Variants in WDPCP observed in about 807,000 individuals in gnomAD.
WDPCP encodes the protein WD repeat containing planar cell polarity effector, also known as WD repeat-containing and planar cell polarity effector protein fritz homolog.
Under a neutral mutation model 93.1 loss-of-function variants are expected in WDPCP, and 71 were observed. That is an observed-to-expected ratio of 0.76 (90% CI 0.63 to 0.93). The LOEUF (loss-of-function observed/expected upper bound fraction) is 0.93, where lower values mean the gene tolerates loss of function less well. Among genes scored for constraint, WDPCP ranks in the 40% least tolerant of loss-of-function variants. The pLI is 0.00. For synonymous variants in WDPCP, 315 were observed against 315.0 expected, an observed-to-expected ratio of 1.00 and a Z score of 0.00; for missense variants, 844 against 887.4, an observed-to-expected ratio of 0.95 and a Z score of 0.62.
intron 3 of WDPCP, among the ~76,000 whole-genome samples, chr2:63,620,646 A>G (rs1709725128): frequency 6.6e-6 from 1 of 152,190 alleles, no homozygotes; most frequent in Admixed American, 6.5e-5. Flanking sequence ...AGAGCAGCAG[A>G]TCTCCCAACA....
chr2:63,312,371 C>T (rs1686248700), intron 13 of WDPCP, among the ~76,000 whole-genome samples: 1 of 152,128 alleles, frequency 6.6e-6, no homozygotes, highest in African/African-American at 2.4e-5. Context: ...GTATTTCTGG[C>T]TTTCAAGAGG....
chr2:63,700,821 A>C (rs558932100), intron 2 of WDPCP, among the ~76,000 whole-genome samples: 1 of 152,340 alleles, frequency 6.6e-6, no homozygotes, highest in African/African-American at 2.4e-5. Flanking sequence ...AACCATACGC[A>C]GAAGATTGAA....
intron 3 of WDPCP, among the ~76,000 whole-genome samples, chr2:63,601,919 T>C (rs748270630): frequency 1.3e-5 from 2 of 152,212 alleles, no homozygotes; most frequent in African/African-American, 4.8e-5. Flanking sequence ...TAAGAGCAGT[T>C]TCTTCCCCAG....
chr2:63,732,500 A>T (rs949099710), intron 2 of WDPCP, among the ~76,000 whole-genome samples: 4 of 152,250 alleles, frequency 2.6e-5, no homozygotes, highest in Non-Finnish European at 4.4e-5. Context: ...AAAAACTATA[A>T]TAAGAAATTA....
At chr2:63,596,660 G>A (rs1331645838) in intron 3 of WDPCP, among the ~76,000 whole-genome samples, 1 of 152,162 alleles carries the variant, frequency 6.6e-6, no homozygotes, top group Non-Finnish European at 1.5e-5. Context: ...ACTTATGGCA[G>A]CCTTGACTAT....
At chr2:63,654,495 T>C (rs1023149487) in intron 2 of WDPCP, among the ~76,000 whole-genome samples, 23 of 152,224 alleles carry the variant, frequency 1.5e-4, no homozygotes, top group African/African-American at 5.5e-4. Flanking sequence ...TGCTGAATAT[T>C]TGGATGCCTT....
intron 9 of WDPCP, among the ~76,000 whole-genome samples, chr2:63,432,367 C>T (rs1016449293): frequency 1.3e-5 from 2 of 152,130 alleles, no homozygotes; most frequent in Non-Finnish European, 1.5e-5. Flanking sequence ...CCCACAGCAC[C>T]ATTAACACTT....
intron 3 of WDPCP, among the ~76,000 whole-genome samples, chr2:63,628,136 T>G (rs1709829640): frequency 6.6e-6 from 1 of 152,186 alleles, no homozygotes; most frequent in South Asian, 2.1e-4. Context: ...GGCAGCCTTG[T>G]CGCCGAGGCC....
At chr2:63,599,842 C>G (rs1327367660) in intron 3 of WDPCP, 1 of 152,202 alleles carries the variant, frequency 6.6e-6, no homozygotes, top group Non-Finnish European at 1.5e-5. Flanking sequence ...ATTTTCTTTA[C>G]TCTTAGAGCC....
intron 14 of WDPCP, among the ~76,000 whole-genome samples, chr2:63,199,425 G>T (rs1344867018): frequency 1.3e-5 from 2 of 152,222 alleles, no homozygotes; most frequent in Admixed American, 6.5e-5. Context: ...AAGGCCCGGG[G>T]CCCTGCTGCT....
intron 2 of WDPCP, among the ~76,000 whole-genome samples, chr2:63,792,542 G>T (rs556473788): frequency 7.2e-5 from 11 of 152,272 alleles, no homozygotes; most frequent in Admixed American, 5.2e-4. Flanking sequence ...CATATGAGGG[G>T]CATCTAAACC....
chr2:63,215,401 A>G (rs899961649), intron 14 of WDPCP, among the ~76,000 whole-genome samples: 18 of 152,290 alleles, frequency 1.2e-4, no homozygotes, highest in Admixed American at 3.9e-4. Context: ...CAGAAATAAT[A>G]CCGCATATCT....
At position 63,433,758 on chromosome 2, in the gene WDPCP, T is replaced by G; in HGVS notation, c.812A>C (p.Gln271Pro). The change falls in exon 9 of 18, where the codon CAA becomes CCA. Residue 271 changes from glutamine to proline, a missense_variant. Gln to Pro is a moderately conservative substitution (Grantham distance 76). Transcript: ENST00000272321. ...TTTTAGATTTACCTCTAGTCTTCCT[T>G]GAGCATAACCCAGGAGGAGTAGATT... ...RANLLLLGYA[Q>P]GRLEVLSSVR... The G allele has an allele frequency of 6.2e-7, 1 of 1,613,050 alleles. No homozygotes were observed. Among genetic ancestry groups the G allele is most frequent in the South Asian group, 1.1e-5 (1 of 90,766 alleles).
At chr2:63,141,807 C>T (rs969403524) in intron 17 of WDPCP, among the ~76,000 whole-genome samples, 7 of 151,952 alleles carry the variant, frequency 4.6e-5, no homozygotes, top group African/African-American at 1.5e-4. Context: ...ATTTCGATCT[C>T]GCTGCTTGTT....
chr2:63,514,966 G>C (rs1249910718), intron 1 of WDPCP, among the ~76,000 whole-genome samples: 1 of 152,098 alleles, frequency 6.6e-6, no homozygotes, highest in Non-Finnish European at 1.5e-5. Context: ...TCAGTAATTG[G>C]TTTTGGTGCC....
intron 6 of WDPCP, among the ~76,000 whole-genome samples, chr2:63,459,782 T>A (rs1308448693): frequency 6.6e-6 from 1 of 152,056 alleles, no homozygotes; most frequent in Non-Finnish European, 1.5e-5. Flanking sequence ...CCAGAAGTGG[T>A]GGCATGTGCC....
intron 2 of WDPCP, among the ~76,000 whole-genome samples, chr2:63,491,777 T>C (rs537544575): frequency 1.3e-5 from 2 of 152,342 alleles, no homozygotes; most frequent in South Asian, 4.1e-4. Context: ...TACCATCTTC[T>C]ACAATATCTG....
At chr2:63,182,446 T>C (rs1674317479) in intron 14 of WDPCP, among the ~76,000 whole-genome samples, 1 of 152,138 alleles carries the variant, frequency 6.6e-6, no homozygotes, top group Non-Finnish European at 1.5e-5. Context: ...GAATCAAATT[T>C]GTTTACTTGA....
At chr2:63,194,796 G>C (rs1023643892) in intron 14 of WDPCP, among the ~76,000 whole-genome samples, 4 of 152,078 alleles carry the variant, frequency 2.6e-5, no homozygotes, top group Non-Finnish European at 5.9e-5. Flanking sequence ...ATTTGAACCA[G>C]TTTATTCCAG....
Sources: allele counts gnomAD v4.1 joint callset (sites outside exome capture counted in the v4.1 genomes callset), GRCh38; gene constraint gnomAD v4.1.1; transcripts MANE v1.5; gene names NCBI Gene and HGNC (gene_info 2026-07-23, HGNC 2026-07-21).